ATP10B: variants seen among roughly 807,000 people sequenced by gnomAD.
ATP10B encodes ATPase phospholipid transporting 10B (putative).
A neutral mutation model predicts 141.2 loss-of-function variants in ATP10B; 122 were observed. The ratio of observed to expected loss-of-function variants is 0.86; its 90% CI spans 0.75 to 1.00. ATP10B has a LOEUF of 1.00. ATP10B is among the 50% of genes least tolerant of loss of function. The probability of loss-of-function intolerance (pLI) is 0.00; values close to 1 mark genes in which losing one functional copy is unlikely to be tolerated. For synonymous variants in ATP10B, 685 were observed against 692.0 expected (o/e 0.99, Z 0.16); for missense variants, 1,876 against 1,825.3 (o/e 1.03, Z -0.51).
intron 21 of ATP10B, among the ~76,000 whole-genome samples, chr5:160,601,978 G>T (rs1561643709): frequency 6.6e-6 from 1 of 152,158 alleles, no homozygotes; most frequent in African/African-American, 2.4e-5. Context: ...AAGGCATGGG[G>T]TATAGCTCTT....
chr5:160,850,768 C>T (rs1000270858), intron 1 of ATP10B, among the ~76,000 whole-genome samples: 4 of 152,296 alleles, frequency 2.6e-5, no homozygotes, highest in African/African-American at 9.6e-5. Flanking sequence ...TGTTATACTG[C>T]TATACTCTTT....
intron 2 of ATP10B, among the ~76,000 whole-genome samples, chr5:160,763,817 A>C (rs1049164251): frequency 3.3e-5 from 5 of 152,126 alleles, no homozygotes; most frequent in Admixed American, 6.5e-5. Flanking sequence ...TAGGGAATTT[A>C]ACCAAAAAAA....
the ATP10B span, among the ~76,000 whole-genome samples, chr5:160,909,004 A>C: frequency 6.6e-6 from 1 of 152,124 alleles, no homozygotes; most frequent in Non-Finnish European, 1.5e-5. Flanking sequence ...AATATCTACT[A>C]TGTGCCAGGT....
At chr5:160,743,336 G>A (rs1046077563) in intron 2 of ATP10B, among the ~76,000 whole-genome samples, 2 of 152,150 alleles carry the variant, frequency 1.3e-5, no homozygotes, top group East Asian at 1.9e-4. Context: ...CAAGTTGACA[G>A]GAAAACGACA....
chr5:160,838,148 A>C (rs1366659585), intron 1 of ATP10B, among the ~76,000 whole-genome samples: 3 of 152,186 alleles, frequency 2.0e-5, no homozygotes, highest in African/African-American at 7.2e-5. Context: ...TGCTTTATGT[A>C]GCATGAAGTT....
chr5:160,906,463 T>G, the ATP10B span, among the ~76,000 whole-genome samples: 1 of 151,968 alleles, frequency 6.6e-6, no homozygotes, highest in Non-Finnish European at 1.5e-5. Context: ...GAAGGAGGAG[T>G]CAGTGAAAGG....
intron 3 of ATP10B, among the ~76,000 whole-genome samples, chr5:160,709,561 A>G (rs1336383016): frequency 6.6e-6 from 1 of 152,088 alleles, no homozygotes; most frequent in Non-Finnish European, 1.5e-5. Flanking sequence ...AGATTTGGCA[A>G]AGATGAGATG....
At chr5:160,719,624 G>A (rs1200976036) in intron 2 of ATP10B, among the ~76,000 whole-genome samples, 5 of 152,190 alleles carry the variant, frequency 3.3e-5, no homozygotes, top group African/African-American at 4.8e-5. Flanking sequence ...CAAGAGATCC[G>A]TATGTAAAGA....
At chr5:160,650,234 A>G (rs905734287) in intron 7 of ATP10B, among the ~76,000 whole-genome samples, 2 of 151,948 alleles carry the variant, frequency 1.3e-5, no homozygotes, top group Non-Finnish European at 1.5e-5. Context: ...ACACATATAT[A>G]TATCTCCACA....
At chr5:160,571,756 G>A (rs1363403793) in intron 24 of ATP10B, among the ~76,000 whole-genome samples, 1 of 152,152 alleles carries the variant, frequency 6.6e-6, no homozygotes, top group African/African-American at 2.4e-5. Flanking sequence ...TCAATTCATA[G>A]GTGAAAGTTT....
chr5:160,639,398 A>C (rs756885292), intron 10 of ATP10B, among the ~76,000 whole-genome samples: 6 of 152,178 alleles, frequency 3.9e-5, no homozygotes, highest in Non-Finnish European at 7.4e-5. Context: ...TTGAGATGGG[A>C]AGAGTATCTC....
At chr5:160,593,845 A>C (rs1196144558) in intron 22 of ATP10B, among the ~76,000 whole-genome samples, 1 of 152,214 alleles carries the variant, frequency 6.6e-6, no homozygotes, top group African/African-American at 2.4e-5. Context: ...AAAAGAATAA[A>C]AAGAAACAAA....
At chr5:160,872,995 C>T in the ATP10B span, among the ~76,000 whole-genome samples, 3 of 152,074 alleles carry the variant, frequency 2.0e-5, no homozygotes, top group South Asian at 6.2e-4. Flanking sequence ...TTGGTTCTAC[C>T]CATCCATGAG....
At chr5:160,660,568 C>A (rs1351595215) in intron 7 of ATP10B, among the ~76,000 whole-genome samples, 1 of 152,184 alleles carries the variant, frequency 6.6e-6, no homozygotes, top group Non-Finnish European at 1.5e-5. Flanking sequence ...ACAGAGGACA[C>A]TTAGGAGTGA....
the ATP10B span, among the ~76,000 whole-genome samples, chr5:160,904,212 T>C: frequency 3.9e-5 from 6 of 152,222 alleles, no homozygotes; most frequent in East Asian, 1.2e-3. Context: ...TGCAGAACAT[T>C]GTTAGTCTAG....
chr5:160,618,334 G>A (rs553094762), intron 15 of ATP10B, among the ~76,000 whole-genome samples: 2 of 152,338 alleles, frequency 1.3e-5, no homozygotes, highest in South Asian at 2.1e-4. Flanking sequence ...TGAATCAGGG[G>A]ACTAGAAGTT....
intron 7 of ATP10B, among the ~76,000 whole-genome samples, chr5:160,651,599 T>C (rs1378985706): frequency 6.6e-6 from 1 of 152,108 alleles, no homozygotes; most frequent in Non-Finnish European, 1.5e-5. Flanking sequence ...GATGGTTTCC[T>C]GGGTAGAGCT....
chr5:160,774,265 A>G (rs1018941378), intron 2 of ATP10B, among the ~76,000 whole-genome samples: 2 of 152,208 alleles, frequency 1.3e-5, no homozygotes, highest in Non-Finnish European at 2.9e-5. Context: ...GGAGTTCTCC[A>G]CAGGTTGTAC....
intron 2 of ATP10B, among the ~76,000 whole-genome samples, chr5:160,738,212 A>G (rs972018293): frequency 3.3e-5 from 5 of 152,142 alleles, no homozygotes; most frequent in African/African-American, 1.2e-4. Flanking sequence ...GAAATAGGAA[A>G]AAACATTTTG....
Sources: allele counts gnomAD v4.1 joint callset (sites outside exome capture counted in the v4.1 genomes callset), GRCh38; gene constraint gnomAD v4.1.1; transcripts MANE v1.5; gene names NCBI Gene and HGNC (gene_info 2026-07-23, HGNC 2026-07-21).